The following SPATA17 variants were observed in gnomAD, a reference collection of about 807,000 sequenced individuals.
SPATA17 encodes the protein spermatogenesis-associated protein 17.
SPATA17 carries 53 observed loss-of-function variants against 62.2 expected under a neutral mutation model. The observed-to-expected ratio is 0.85, with a 90% CI of 0.68 to 1.07. SPATA17 has a LOEUF of 1.07. SPATA17 is among the 50% of genes least tolerant of loss of function. The pLI is 0.00. For synonymous variants in SPATA17, 146 were observed against 146.8 expected, an observed-to-expected ratio of 0.99 and a Z score of 0.04; for missense variants, 466 against 425.5, an observed-to-expected ratio of 1.10 and a Z score of -0.84.
intron 8 of SPATA17, among the ~76,000 whole-genome samples, chr1:217,797,189 C>T (rs914063565): frequency 2.6e-5 from 4 of 151,866 alleles, no homozygotes; most frequent in African/African-American, 9.7e-5. Context: ...CAGGCACGAA[C>T]TGGTTATAAC....
At chr1:217,796,613 T>C (rs1418170010) in intron 8 of SPATA17, among the ~76,000 whole-genome samples, 1 of 152,220 alleles carries the variant, frequency 6.6e-6, no homozygotes. Context: ...ATTTGTACTA[T>C]GAATTCTACT....
At chr1:217,825,384 AT>A (rs201932841) in intron 9 of SPATA17, among the ~76,000 whole-genome samples, 7 of 151,890 alleles carry the variant, frequency 4.6e-5, no homozygotes, top group African/African-American at 4.8e-5. Context: ...ATGCCATGTC[AT>A]TTTTTTGTTT....
At chr1:217,673,803 A>C (rs1286826280) in intron 4 of SPATA17, among the ~76,000 whole-genome samples, 2 of 152,204 alleles carry the variant, frequency 1.3e-5, no homozygotes, top group African/African-American at 4.8e-5. Flanking sequence ...TTATGTGGGG[A>C]AAACCCATTT....
intron 4 of SPATA17, among the ~76,000 whole-genome samples, chr1:217,671,085 G>A (rs1670822668): frequency 6.6e-6 from 1 of 151,960 alleles, no homozygotes; most frequent in African/African-American, 2.4e-5. Flanking sequence ...AGATATATAT[G>A]GGGATGCCCC....
At chr1:217,682,565 T>G (rs1180108746) in intron 4 of SPATA17, among the ~76,000 whole-genome samples, 1 of 152,190 alleles carries the variant, frequency 6.6e-6, no homozygotes, top group African/African-American at 2.4e-5. Flanking sequence ...AACTTGAAAT[T>G]TGATTCCTGG....
At chr1:217,631,468 C>G (rs760505767) in intron 1 of SPATA17, 22 bp downstream of exon 1, 66 of 1,613,166 alleles carry the variant, frequency 4.1e-5, no homozygotes, top group African/African-American at 9.3e-5. Context: ...AGAGAAGGAT[C>G]GCGTAAAGGG....
intron 5 of SPATA17, among the ~76,000 whole-genome samples, chr1:217,700,301 T>C (rs1671564140): frequency 6.6e-6 from 1 of 152,236 alleles, no homozygotes; most frequent in Non-Finnish European, 1.5e-5. Flanking sequence ...TTATTGATAT[T>C]GTACATGTGT....
chr1:217,683,787 T>TA (rs996532808), intron 5 of SPATA17, among the ~76,000 whole-genome samples: 5 of 151,958 alleles, frequency 3.3e-5, no homozygotes, highest in African/African-American at 1.2e-4. Flanking sequence ...CATTTATTGA[T>TA]AAAAAATATA....
intron 5 of SPATA17, among the ~76,000 whole-genome samples, chr1:217,686,881 G>C (rs1477102903): frequency 6.6e-6 from 1 of 152,114 alleles, no homozygotes; most frequent in Non-Finnish European, 1.5e-5. Context: ...ACCATGTCTG[G>C]ATAATTTTTG....
intron 4 of SPATA17, among the ~76,000 whole-genome samples, chr1:217,676,596 G>C (rs922489088): frequency 6.6e-6 from 1 of 152,126 alleles, no homozygotes; most frequent in African/African-American, 2.4e-5. Context: ...ATCTGTCACA[G>C]ACTTTGGAAT....
intron 9 of SPATA17, among the ~76,000 whole-genome samples, chr1:217,824,535 AT>A (rs1385740336): frequency 7.3e-5 from 11 of 151,298 alleles, no homozygotes; most frequent in African/African-American, 2.2e-4. Flanking sequence ...ACTATCCTCA[AT>A]TTTTTAAATG....
At chr1:217,772,799 T>G (rs925981522) in intron 6 of SPATA17, among the ~76,000 whole-genome samples, 3 of 152,360 alleles carry the variant, frequency 2.0e-5, no homozygotes, top group Non-Finnish European at 4.4e-5. Context: ...GTGCTCCAGC[T>G]TCTAGCTTGT....
intron 6 of SPATA17, among the ~76,000 whole-genome samples, chr1:217,754,789 T>A (rs551069713): frequency 9.9e-5 from 15 of 152,182 alleles, no homozygotes; most frequent in Non-Finnish European, 2.9e-5. Context: ...TCCTTTGATC[T>A]TTCTCTTTAT....
intron 4 of SPATA17, among the ~76,000 whole-genome samples, chr1:217,678,746 A>G (rs538429216): frequency 1.3e-5 from 2 of 152,174 alleles, no homozygotes; most frequent in Non-Finnish European, 2.9e-5. Context: ...TGATTTGACT[A>G]GCTTAAGAGG....
At chr1:217,743,012 C>T (rs1215020013) in intron 6 of SPATA17, among the ~76,000 whole-genome samples, 2 of 74,926 alleles carry the variant, frequency 2.7e-5, no homozygotes, top group South Asian at 3.7e-4. Context: ...GTAGATCTCC[C>T]GCATCTCTAG....
At chr1:217,862,223 A>C (rs1297909698) in intron 9 of SPATA17, among the ~76,000 whole-genome samples, 2 of 152,174 alleles carry the variant, frequency 1.3e-5, no homozygotes, top group Non-Finnish European at 2.9e-5. Context: ...CTGTTTTAAC[A>C]TACATGAAAA....
intron 5 of SPATA17, among the ~76,000 whole-genome samples, chr1:217,711,641 G>A (rs1344260555): frequency 4.3e-4 from 66 of 152,120 alleles, no homozygotes; most frequent in Non-Finnish European, 1.2e-4. Context: ...GCTTATAATT[G>A]ACGCTCAACA....
rs558906196 is a variant in SPATA17 at position 217,724,417 on chromosome 1, G to A, written c.396-17558G>A. Among the ~76,000 whole-genome samples the A allele has an allele frequency of 6.3e-4, 96 of 151,252 alleles. 1 individual carries two copies. In the South Asian group the frequency reaches 0.02, roughly 31 times the overall value. ...AGCTTGGCCAACATGGTGAAACCCC[G>A]TCTCTACTAAGAATACAAAAATTAG... On this transcript the variant is annotated intron_variant, in intron 5 of 10. Coordinates refer to ENST00000366933, the MANE Select transcript of SPATA17 (RefSeq NM_138796.4).
At chr1:217,749,525 G>A (rs952811027) in intron 6 of SPATA17, among the ~76,000 whole-genome samples, 1 of 151,824 alleles carries the variant, frequency 6.6e-6, no homozygotes, top group East Asian at 1.9e-4. Context: ...ACTATCCCCA[G>A]TTATCCAGGG....
Sources: allele counts gnomAD v4.1 joint callset (sites outside exome capture counted in the v4.1 genomes callset), GRCh38; gene constraint gnomAD v4.1.1; transcripts MANE v1.5; gene names NCBI Gene and HGNC (gene_info 2026-07-23, HGNC 2026-07-21).